TMEM150C: variants seen among roughly 807,000 people sequenced by gnomAD.
The protein encoded by TMEM150C is transmembrane protein 150C.
A neutral mutation model predicts 29.9 loss-of-function variants in TMEM150C; 10 were observed. The observed-to-expected ratio is 0.33, with a 90% CI of 0.21 to 0.57. The LOEUF (loss-of-function observed/expected upper bound fraction) is 0.57. Among genes scored for constraint, TMEM150C ranks in the 20% least tolerant of loss-of-function variants. The pLI is 0.88. For missense variants in TMEM150C, 251 were observed against 303.6 expected (o/e 0.83, Z 1.29); for synonymous variants, 101 against 112.5 (o/e 0.90, Z 0.64).
In TMEM150C at chr4:82,486,335, TAAAAAAAAAAAAAAA is replaced by T. The variant is rs527967958; in HGVS notation, c.542-631_542-617del. Among the ~76,000 whole-genome samples, 5 of 51,304 alleles carry T rather than the reference TAAAAAAAAAAAAAAA, an allele frequency of 9.7e-5. No individual in the cohort carries two copies. In the South Asian group the frequency reaches 2.1e-3, roughly 21 times the overall value. 33.7% of individuals were successfully genotyped at this position (51,304 alleles called of 152,430 possible). ...TGGTGGACAGAGCGAGACTCCATCT[TAAAAAAAAAAAAAAA>T]AAAAAAAAAAAAAGAAGAAAGCACT... On this transcript the variant is annotated intron_variant, in intron 7 of 7. Coordinates refer to ENST00000449862, the MANE Select transcript of TMEM150C (RefSeq NM_001080506.3).
chr4:82,486,335 T>TAAAA lies in TMEM150C; in HGVS notation c.542-620_542-617dup, dbSNP rs527967958. ...TGGTGGACAGAGCGAGACTCCATCT[T>TAAAA]AAAAAAAAAAAAAAAAAAAAAAAAA... On this transcript the variant is annotated intron_variant, in intron 7 of 7. Transcript: ENST00000449862. 2.8e-3 allele frequency among the ~76,000 whole-genome samples: 145 copies of TAAAA among 51,278 alleles called. 2 individuals carry two copies. The highest frequency in any genetic ancestry group is 6.2e-3 in the African/African-American group (69 of 11,142). The allele number at this position is 51,278 out of a possible 152,430, so 33.6% of individuals were successfully genotyped here. A position where few individuals can be genotyped will look rare whatever the true frequency, so the allele number is the denominator to read the frequency against.
rs1723131425 is a variant in TMEM150C at position 82,485,531 on chromosome 4, A to G, written c.730T>C (p.Tyr244His). Residue 244 changes from tyrosine (Y) to histidine (H), a missense_variant, in exon 8 of 8, where the codon TAT (tyrosine) becomes CAT (histidine). Physicochemically the swap from Tyr to His is moderately conservative, Grantham distance 83 (BLOSUM62 2). Transcript: ENST00000449862. ...ATGGTTTACACCTGGTCAGTCTGAT[A>G]TTCAGAAGCTTCTGACAGGCTTTCT... ...FSESLSEASE[Y>H]QTDQV The G allele has an allele frequency of 1.9e-6, 3 of 1,603,732 alleles. No homozygotes were observed.
At chr4:82,523,491 G>T (rs1280922470) in intron 1 of TMEM150C, among the ~76,000 whole-genome samples, 1 of 152,160 alleles carries the variant, frequency 6.6e-6, no homozygotes, top group Non-Finnish European at 1.5e-5. Context: ...GAACATGTGA[G>T]GCAAGGGCGA....
Position 82,550,384 on chromosome 4 carries a change from G to T in TMEM150C, c.-11+11522C>A, listed in dbSNP as rs143000522. The stretch of plus-strand genomic sequence containing the variant: ...TTGATAAATTACCCACTCTTGGGCC[G>T]TTCTTTATAGCACTGTGAAAACAGA... On this transcript the variant is annotated intron_variant, in intron 1 of 7. Transcript: ENST00000449862. Among the ~76,000 whole-genome samples the T allele has an allele frequency of 1.2e-4, 18 of 152,252 alleles. No individual in the cohort carries two copies. The South Asian group carries it at 3.5e-3, about 30-fold the overall frequency.
At chr4:82,489,174 A>G (rs1034998084) in intron 7 of TMEM150C, among the ~76,000 whole-genome samples, 2 of 149,064 alleles carry the variant, frequency 1.3e-5, no homozygotes, top group Admixed American at 6.8e-5. Flanking sequence ...AGTGTTGAAC[A>G]CTTCTGATTA....
chr4:82,497,319 C>T (rs553151092), intron 5 of TMEM150C, among the ~76,000 whole-genome samples: 2 of 152,204 alleles, frequency 1.3e-5, no homozygotes, highest in Admixed American at 6.5e-5. Context: ...TAAGGTTCAG[C>T]AGGAAAGACA....
chr4:82,504,807 G>T, intron 1 of TMEM150C, 140 bp from the exon 2 acceptor site: 1 of 575,312 alleles, frequency 1.7e-6, no homozygotes, highest in Non-Finnish European at 3.2e-6. Context: ...GAGGTGGGCG[G>T]ATCACGAGGT....
chr4:82,530,482 G>A (rs1054341241), intron 1 of TMEM150C, among the ~76,000 whole-genome samples: 11 of 152,134 alleles, frequency 7.2e-5, no homozygotes, highest in South Asian at 4.1e-4. Context: ...GTGTGAACCC[G>A]GGAGGTGGAG....
chr4:82,501,280 C>T (rs184605333), intron 5 of TMEM150C, among the ~76,000 whole-genome samples: 22 of 152,074 alleles, frequency 1.4e-4, no homozygotes, highest in Non-Finnish European at 2.5e-4. Context: ...CAGGACTGGC[C>T]CTGGTGCCCA....
Position 82,540,175 on chromosome 4 carries a change from G to T in TMEM150C, c.-11+21731C>A, listed in dbSNP as rs541344530. Among the ~76,000 whole-genome samples, 88 of 88,798 alleles carry T rather than the reference G, an allele frequency of 9.9e-4. 1 individual carries two copies. Among genetic ancestry groups the T allele is most frequent in the South Asian group, 1.7e-3 (4 of 2,350 alleles). The allele number at this position is 88,798 out of a possible 152,430, so 58.3% of individuals were successfully genotyped here. A position where few individuals can be genotyped will look rare whatever the true frequency, so the allele number is the denominator to read the frequency against. ...TTTTGAGACAAGGTCTTGCTCTGTT[G>T]TCATGGCTCACTGCAGCCTTAACCT... On this transcript the variant is annotated intron_variant, in intron 1 of 7. Transcript: ENST00000449862.
At chr4:82,524,317 A>G (rs1413599324) in intron 1 of TMEM150C, among the ~76,000 whole-genome samples, 1 of 152,054 alleles carries the variant, frequency 6.6e-6, no homozygotes, top group Non-Finnish European at 1.5e-5. Flanking sequence ...TAAGTATTTT[A>G]TTTTTTGATT....
chr4:82,528,233 G>A (rs1217760973), intron 1 of TMEM150C, among the ~76,000 whole-genome samples: 1 of 152,240 alleles, frequency 6.6e-6, no homozygotes, highest in Non-Finnish European at 1.5e-5. Context: ...GGGCCATGAA[G>A]AATGAGTCAT....
chr4:82,511,705 G>A (rs922728783), intron 1 of TMEM150C, among the ~76,000 whole-genome samples: 5 of 151,986 alleles, frequency 3.3e-5, no homozygotes, highest in Admixed American at 2.6e-4. Context: ...GGGCTCAAGC[G>A]ATCCACCTGC....
chr4:82,540,584 C>T (rs1358628867), intron 1 of TMEM150C, among the ~76,000 whole-genome samples: 2 of 151,776 alleles, frequency 1.3e-5, no homozygotes, highest in Non-Finnish European at 2.9e-5. Context: ...AAATGCAAAC[C>T]CTTGCAAAGC....
At chr4:82,501,821 A>C (rs1261885016) in intron 5 of TMEM150C, among the ~76,000 whole-genome samples, 1 of 152,192 alleles carries the variant, frequency 6.6e-6, no homozygotes, top group Non-Finnish European at 1.5e-5. Flanking sequence ...GAGGTGAAAT[A>C]ACAGGTTACT....
At chr4:82,531,807 A>C (rs1724857405) in intron 1 of TMEM150C, among the ~76,000 whole-genome samples, 1 of 151,892 alleles carries the variant, frequency 6.6e-6, no homozygotes, top group Non-Finnish European at 1.5e-5. Flanking sequence ...AAATGAGGAA[A>C]GAATGTTGTC....
chr4:82,504,288 C>G (rs1287342000), intron 2 of TMEM150C, among the ~76,000 whole-genome samples: 1 of 152,210 alleles, frequency 6.6e-6, no homozygotes, highest in Non-Finnish European at 1.5e-5. Flanking sequence ...AATGCAACCT[C>G]TGCCTCCAGG....
rs1578114785 is a variant in TMEM150C at position 82,484,137 on chromosome 4, TG to T, written c.*1373del. ...TATTCCAGGTAATCCCAGACCTCTA[TG>T]GGGTAAATCTGGGGATTTCTTGGAA... On this transcript the variant is annotated 3_prime_UTR_variant, in exon 8 of 8. Transcript: ENST00000449862. The T allele has an allele frequency of 6.6e-6, 1 of 152,090 alleles. No homozygotes were observed. Among genetic ancestry groups the T allele is most frequent in the East Asian group, 1.9e-4 (1 of 5,186 alleles). 9.4% of individuals were successfully genotyped at this position (152,090 alleles called of 1,614,324 possible). A position where few individuals can be genotyped will look rare whatever the true frequency, so the allele number is the denominator to read the frequency against.
At chr4:82,527,400 G>T (rs1724691009) in intron 1 of TMEM150C, among the ~76,000 whole-genome samples, 1 of 152,060 alleles carries the variant, frequency 6.6e-6, no homozygotes, top group South Asian at 2.1e-4. Context: ...ACTTGGTGTG[G>T]GGCATCTGCT....
Sources: allele counts gnomAD v4.1 joint callset (sites outside exome capture counted in the v4.1 genomes callset), GRCh38; gene constraint gnomAD v4.1.1; transcripts MANE v1.5; gene names NCBI Gene and HGNC (gene_info 2026-07-23, HGNC 2026-07-21).